The following MID1 variants were observed in gnomAD, a reference collection of about 807,000 sequenced individuals.
The protein encoded by MID1 is midline 1.
Under a neutral mutation model 40.4 loss-of-function variants are expected in MID1, and 7 were observed. The observed-to-expected ratio is 0.17, with a 90% CI of 0.10 to 0.33. MID1 has a LOEUF of 0.33. Among genes scored for constraint, MID1 ranks in the 10% least tolerant of loss-of-function variants. The probability of loss-of-function intolerance (pLI) is 1.00; values close to 1 mark genes in which losing one functional copy is unlikely to be tolerated. For missense variants in MID1, 367 were observed against 558.5 expected (o/e 0.66, Z 3.46); for synonymous variants, 229 against 221.2 (o/e 1.04, Z -0.31).
At chrX:10,593,264 C>T (rs1340778637) in intron 1 of MID1, among the ~76,000 whole-genome samples, 1 of 112,065 alleles carries the variant, frequency 8.9e-6, no homozygotes, top group Non-Finnish European at 1.9e-5. Flanking sequence ...ATAGTACTTC[C>T]GATCAATTTT....
intron 1 of MID1, among the ~76,000 whole-genome samples, chrX:10,722,505 A>C: frequency 8.9e-6 from 1 of 112,367 alleles, no homozygotes; most frequent in Non-Finnish European, 1.9e-5. Flanking sequence ...CAGTGATGAA[A>C]GCTACAAAAA....
intron 1 of MID1, among the ~76,000 whole-genome samples, chrX:10,773,496 G>A (rs945820112): frequency 1.8e-5 from 2 of 112,145 alleles, no homozygotes; most frequent in African/African-American, 6.5e-5. Flanking sequence ...AGTGACATGT[G>A]TCTTATCTTA....
chrX:10,662,531 A>G (rs942920572), intron 1 of MID1, among the ~76,000 whole-genome samples: 1 of 111,248 alleles, frequency 9.0e-6, no homozygotes, highest in Non-Finnish European at 1.9e-5. Context: ...TGGCATGTAT[A>G]TCGGTGTGTA....
chrX:10,808,609 G>A (rs1306721922), intron 1 of MID1, among the ~76,000 whole-genome samples: 2 of 110,148 alleles, frequency 1.8e-5, no homozygotes, highest in Admixed American at 1.9e-4. Context: ...TCTATTTCTA[G>A]GAAACCATCC....
At chrX:10,756,544 C>G (rs1426202519) in intron 1 of MID1, among the ~76,000 whole-genome samples, 1 of 112,103 alleles carries the variant, frequency 8.9e-6, no homozygotes, top group Non-Finnish European at 1.9e-5. Flanking sequence ...AACTCCCTCA[C>G]TTCACAGACA....
intron 2 of MID1, among the ~76,000 whole-genome samples, chrX:10,544,475 C>A (rs1037342202): frequency 2.7e-5 from 3 of 112,200 alleles, no homozygotes; most frequent in Admixed American, 1.9e-4. Flanking sequence ...GAATTTCTTA[C>A]CAGGACTTAA....
chrX:10,748,989 G>A (rs751118353), intron 1 of MID1, among the ~76,000 whole-genome samples: 1 of 111,153 alleles, frequency 9.0e-6, no homozygotes, highest in African/African-American at 3.3e-5. Context: ...TTTCTTCAGG[G>A]TATATTATTT....
chrX:10,449,476 T>G lies in MID1; in HGVS notation c.1896A>C (p.Ala632=), dbSNP rs780234711. ...AGGTGGGGCAAACAGGCTGCGCAAA[T>G]GCGACGTCGAAGGTGTAGAGGTGGA... The part of the protein sequence containing the change: ...NSIHLYTFDV[A]FAQPVCPTFT... Residue 632 remains alanine, a synonymous_variant, in exon 10 of 10, where the codon GCA becomes GCC. Coordinates refer to ENST00000317552, the MANE Select transcript of MID1 (RefSeq NM_000381.4). The G allele has an allele frequency of 9.1e-6, 11 of 1,209,608 alleles. No individual in the cohort carries two copies. The Admixed American group carries it at 2.4e-4, about 26-fold the overall frequency.
intron 1 of MID1, among the ~76,000 whole-genome samples, chrX:10,590,101 C>G (rs1480394675): frequency 9.1e-6 from 1 of 110,324 alleles, no homozygotes; most frequent in Non-Finnish European, 1.9e-5. Context: ...ACAGAACAGA[C>G]CGGGAAGTTT....
chrX:10,594,675 A>T lies in MID1; in HGVS notation c.-57+25615T>A, dbSNP rs960429908. 1.2e-4 allele frequency among the ~76,000 whole-genome samples: 13 copies of T among 111,773 alleles called. No individual in the cohort carries two copies. In the Admixed American group the frequency reaches 1.2e-3, roughly 11 times the overall value. On this transcript the variant is annotated intron_variant, in intron 1 of 9. Coordinates refer to ENST00000317552, the MANE Select transcript of MID1 (RefSeq NM_000381.4). ...AAGTACTGCGGATTATTACCTGCTGACTGTGTGTGAAGTTGTCCTTCCAAT... is the reference window on the plus strand; with the variant it reads ...AAGTACTGCGGATTATTACCTGCTGTCTGTGTGTGAAGTTGTCCTTCCAAT...
chrX:10,566,502 TCTCTCTCTCC>T (rs753715524), intron 2 of MID1, among the ~76,000 whole-genome samples: 28,282 of 89,335 alleles, frequency 0.32, 4,388 homozygotes, highest in Non-Finnish European at 0.43. Context: ...TGTCATTCTC[TCTCTCTCTCC>T]CTCTCTCTCC....
rs1260323126 is a variant in MID1 at position 10,620,388 on chromosome X, G to A, written c.-155C>T. The A allele has an allele frequency of 8.9e-5, 10 of 112,737 alleles. No individual in the cohort carries two copies. In the East Asian group the frequency reaches 2.2e-3, roughly 25 times the overall value. 9.3% of individuals were successfully genotyped at this position (112,737 alleles called of 1,213,427 possible). Reference sequence around the variant, plus strand: ...AGAGCGGAAACACCGAACCCGACAGGAGCCCGCAAGACAAAAGCAACCCGG... The same window carrying A: ...AGAGCGGAAACACCGAACCCGACAGAAGCCCGCAAGACAAAAGCAACCCGG... On this transcript the variant is annotated 5_prime_UTR_variant, in exon 1 of 10. Transcript: ENST00000317552.
chrX:10,761,475 T>C (rs981389504), intron 1 of MID1, among the ~76,000 whole-genome samples: 1 of 112,185 alleles, frequency 8.9e-6, no homozygotes, highest in African/African-American at 3.2e-5. Flanking sequence ...CACAGTACAC[T>C]GTGGGCAGGG....
chrX:10,616,182 C>A (rs1215174517), intron 1 of MID1, among the ~76,000 whole-genome samples: 5 of 111,780 alleles, frequency 4.5e-5, no homozygotes. Context: ...CTTTCAAAGT[C>A]CCATCAAGTT....
chrX:10,719,738 A>T, intron 1 of MID1, among the ~76,000 whole-genome samples: 1 of 111,317 alleles, frequency 9.0e-6, no homozygotes, highest in Non-Finnish European at 1.9e-5. Context: ...CCGCATCACC[A>T]AGTCAATCCT....
chrX:10,713,461 C>T (rs1317807358), intron 1 of MID1, among the ~76,000 whole-genome samples: 1 of 110,279 alleles, frequency 9.1e-6, no homozygotes, highest in Non-Finnish European at 1.9e-5. Flanking sequence ...GTAGCTGGAA[C>T]TACAGGCATG....
chrX:10,569,421 A>G (rs1487655659), intron 1 of MID1, among the ~76,000 whole-genome samples: 1 of 112,548 alleles, frequency 8.9e-6, no homozygotes, highest in Non-Finnish European at 1.9e-5. Context: ...TGTAAGAAAC[A>G]TATCATCCCC....
intron 1 of MID1, among the ~76,000 whole-genome samples, chrX:10,717,686 C>T (rs1447026488): frequency 9.1e-6 from 1 of 109,747 alleles, no homozygotes; most frequent in Non-Finnish European, 1.9e-5. Context: ...CAGCTCTGCA[C>T]CAAGCGGACC....
intron 1 of MID1, among the ~76,000 whole-genome samples, chrX:10,783,741 A>C (rs1262239101): frequency 1.8e-5 from 2 of 110,459 alleles, no homozygotes; most frequent in African/African-American, 6.5e-5. Flanking sequence ...ACAGGATCAA[A>C]ATACATTGTT....
Sources: gnomAD v4.1 joint callset for allele counts (sites outside exome capture counted in the v4.1 genomes callset) on GRCh38, gnomAD v4.1.1 for gene constraint, MANE v1.5 for transcripts, NCBI Gene and HGNC (gene_info 2026-07-23, HGNC 2026-07-21) for gene names.